ERGIC1: variants seen among roughly 807,000 people sequenced by gnomAD.
ERGIC1 encodes the protein endoplasmic reticulum-golgi intermediate compartment 1, also known as endoplasmic reticulum-Golgi intermediate compartment protein 1.
In ERGIC1, 19 loss-of-function variants were observed where a neutral mutation model predicts 38.3. That is an observed-to-expected ratio of 0.50 (90% CI 0.35 to 0.73). The LOEUF (loss-of-function observed/expected upper bound fraction) is 0.73. Ranked by LOEUF, ERGIC1 falls within the 30% of genes least tolerant of loss-of-function variation. The pLI, the probability that ERGIC1 is intolerant of heterozygous loss-of-function variation, is 0.01. For missense variants in ERGIC1, 294 were observed against 389.2 expected (o/e 0.76, Z 2.06); for synonymous variants, 124 against 157.6 (o/e 0.79, Z 1.60).
intron 5 of ERGIC1, chr5:172,918,229 C>G (rs955857767): frequency 1.3e-5 from 2 of 152,218 alleles, no homozygotes; most frequent in East Asian, 1.9e-4. Context: ...ATCAGTAAAG[C>G]AGCATATTCA....
intron 2 of ERGIC1, among the ~76,000 whole-genome samples, chr5:172,895,362 C>G (rs185889650): frequency 2.0e-5 from 3 of 152,160 alleles, no homozygotes; most frequent in African/African-American, 7.2e-5. Context: ...TTAAGTAACT[C>G]ACTTAGGGCC....
At chr5:172,904,962 G>C (rs1207364867) in intron 3 of ERGIC1, among the ~76,000 whole-genome samples, 3 of 152,188 alleles carry the variant, frequency 2.0e-5, no homozygotes, top group African/African-American at 7.2e-5. Flanking sequence ...CCTTGTTCTG[G>C]GTGGCCCTCT....
chr5:172,951,052 C>T lies in ERGIC1; in HGVS notation c.*236C>T. 1 of 448,850 alleles carries T rather than the reference C, an allele frequency of 2.2e-6. No individual in the cohort carries two copies. The highest frequency in any genetic ancestry group is 3.3e-5 in the South Asian group (1 of 30,596). The allele number at this position is 448,850 out of a possible 1,614,324, so 27.8% of individuals were successfully genotyped here. ...CAGTTCCCCTTTCCCTGGGGAGCCC[C>T]AAGAACAGAGTCAGGCAAGGGGTGG... On this transcript the variant is annotated 3_prime_UTR_variant, in exon 10 of 10. Coordinates refer to ENST00000393784, the MANE Select transcript of ERGIC1 (RefSeq NM_001031711.3).
chr5:172,904,328 C>T lies in ERGIC1; in HGVS notation c.156-5339C>T, dbSNP rs796510739. Among the ~76,000 whole-genome samples, 8 of 152,312 alleles carry T rather than the reference C, an allele frequency of 5.3e-5. No homozygotes were observed. In the South Asian group the frequency reaches 1.7e-3, roughly 32 times the overall value. On this transcript the variant is annotated intron_variant, in intron 3 of 9. Transcript: ENST00000393784. ...CTTGAGCCCCTCCCAGTCAGTAGCC[C>T]CCACCACTATTATTCTGACTTCCAT...
Position 172,950,693 on chromosome 5 carries a change from C to T in ERGIC1, c.766-16C>T, listed in dbSNP as rs1764212035. ...CTGACTTCTGACACTCCCACCCCAC[C>T]CCTGCCCTCTTGCAGATCTGTGCCA... On this transcript the variant is annotated splice_polypyrimidine_tract_variant and intron_variant, in intron 9 of 9. Coordinates refer to ENST00000393784, the MANE Select transcript of ERGIC1 (RefSeq NM_001031711.3). 2 of 1,607,714 alleles carry T rather than the reference C, an allele frequency of 1.2e-6. No individual in the cohort carries two copies. The highest frequency in any genetic ancestry group is 8.5e-7 in the Non-Finnish European group (1 of 1,175,128).
At chr5:172,882,630 T>C (rs1241244893) in intron 1 of ERGIC1, among the ~76,000 whole-genome samples, 1 of 152,176 alleles carries the variant, frequency 6.6e-6, no homozygotes, top group African/African-American at 2.4e-5. Context: ...GAGAAATACA[T>C]GCAAATATGT....
intron 1 of ERGIC1, among the ~76,000 whole-genome samples, chr5:172,864,748 C>G (rs945073567): frequency 2.6e-5 from 4 of 151,996 alleles, no homozygotes; most frequent in Non-Finnish European, 5.9e-5. Flanking sequence ...CATGTCCCCC[C>G]CCCTTTTTTT....
At chr5:172,863,465 C>T (rs961749911) in intron 1 of ERGIC1, among the ~76,000 whole-genome samples, 1 of 152,224 alleles carries the variant, frequency 6.6e-6, no homozygotes, top group Admixed American at 6.5e-5. Context: ...GAACCACCCA[C>T]CTCCTTCCTG....
intron 9 of ERGIC1, among the ~76,000 whole-genome samples, chr5:172,949,657 G>GC (rs1041609241): frequency 2.0e-5 from 3 of 151,592 alleles, no homozygotes; most frequent in African/African-American, 4.8e-5. Flanking sequence ...CAGCGTGGCG[G>GC]GGGGGGGTAT....
At chr5:172,887,797 C>T (rs966832574) in intron 1 of ERGIC1, among the ~76,000 whole-genome samples, 1 of 152,206 alleles carries the variant, frequency 6.6e-6, no homozygotes, top group Admixed American at 6.5e-5. Flanking sequence ...ATGCTAAGAC[C>T]GTGGGCTCCT....
chr5:172,927,992 C>G (rs913551246), intron 7 of ERGIC1, among the ~76,000 whole-genome samples: 1 of 152,094 alleles, frequency 6.6e-6, no homozygotes, highest in African/African-American at 2.4e-5. Context: ...CCTCCAGCAA[C>G]GGATAAGTAT....
Position 172,926,700 on chromosome 5 carries a change from C to T in ERGIC1, c.541+131C>T. ...AGGCAGGGAGGCTGCTGCTCACACTCCATTCCCACAGCTAACCAGTGGGAA... is the reference window on the plus strand; with the variant it reads ...AGGCAGGGAGGCTGCTGCTCACACTTCATTCCCACAGCTAACCAGTGGGAA... On this transcript the variant is annotated intron_variant, in intron 7 of 9. Coordinates refer to ENST00000393784, the MANE Select transcript of ERGIC1 (RefSeq NM_001031711.3). This position sits in a 1 kb window ranked among gnomAD's most constrained non-coding sequence, Gnocchi z 5.2. 1.0e-6 allele frequency: 1 copy of T among 968,192 alleles called. No individual in the cohort carries two copies. Among genetic ancestry groups the T allele is most frequent in the Non-Finnish European group, 1.6e-6 (1 of 630,826 alleles). The allele number at this position is 968,192 out of a possible 1,614,324, so 60.0% of individuals were successfully genotyped here. A position where few individuals can be genotyped will look rare whatever the true frequency, so the allele number is the denominator to read the frequency against.
chr5:172,930,791 C>A (rs12188901), intron 7 of ERGIC1, among the ~76,000 whole-genome samples: 39,949 of 152,122 alleles, frequency 0.26, 6,367 homozygotes, highest in Non-Finnish European at 0.36. Flanking sequence ...AATGCAAATT[C>A]TGAGCTCCAC....
intron 2 of ERGIC1, among the ~76,000 whole-genome samples, chr5:172,892,746 C>G (rs1459835974): frequency 1.3e-5 from 2 of 152,142 alleles, no homozygotes; most frequent in Non-Finnish European, 2.9e-5. Flanking sequence ...TTTATTCATT[C>G]ATTCAATAAA....
Position 172,842,401 on chromosome 5 carries a change from A to G in ERGIC1, c.20+7968A>G, listed in dbSNP as rs147845197. ...GGCTGAGTAATATTTCAAGGTGTAT[A>G]TATACCAATATTTACCCATTAATAG... On this transcript the variant is annotated intron_variant, in intron 1 of 9. Transcript: ENST00000393784. 7.5e-3 allele frequency among the ~76,000 whole-genome samples: 1,138 copies of G among 152,350 alleles called. 10 individuals carry two copies. Among genetic ancestry groups the G allele is most frequent in the African/African-American group, 0.025 (1,051 of 41,582 alleles).
At chr5:172,893,141 A>G (rs1762610085) in intron 2 of ERGIC1, among the ~76,000 whole-genome samples, 1 of 152,044 alleles carries the variant, frequency 6.6e-6, no homozygotes, top group Admixed American at 6.6e-5. Flanking sequence ...TCATGAACAC[A>G]TCCTGTTTTG....
intron 1 of ERGIC1, 67 bp from the exon 2 acceptor site, chr5:172,888,632 C>A: frequency 7.9e-7 from 1 of 1,262,422 alleles, no homozygotes; most frequent in Non-Finnish European, 1.2e-6. Flanking sequence ...AAGCCAGCAC[C>A]ACTGCCTGCT....
chr5:172,858,115 T>A (rs1052936308), intron 1 of ERGIC1, among the ~76,000 whole-genome samples: 1 of 152,210 alleles, frequency 6.6e-6, no homozygotes, highest in Non-Finnish European at 1.5e-5. Context: ...GGAACCTGAC[T>A]GCAGTGGTAT....
At chr5:172,901,727 G>A (rs484864) in intron 3 of ERGIC1, among the ~76,000 whole-genome samples, 110,398 of 152,042 alleles carry the variant, frequency 0.73, 40,581 homozygotes, top group African/African-American at 0.84. Context: ...CCTCCCGAGT[G>A]GCTGGGACTA....
Sources: allele counts gnomAD v4.1 joint callset (sites outside exome capture counted in the v4.1 genomes callset), GRCh38; gene constraint gnomAD v4.1.1; non-coding constraint Gnocchi (gnomAD v3.1); transcripts MANE v1.5; gene names NCBI Gene and HGNC (gene_info 2026-07-23, HGNC 2026-07-21).